ECT2: variants seen among roughly 807,000 people sequenced by gnomAD.
ECT2 encodes epithelial cell transforming 2, also known as protein ECT2.
ECT2 carries 61 observed loss-of-function variants against 116.9 expected under a neutral mutation model. The ratio of observed to expected loss-of-function variants is 0.52; its 90% CI spans 0.42 to 0.65. The LOEUF (loss-of-function observed/expected upper bound fraction) is 0.65, where lower values mean the gene tolerates loss of function less well. Ranked by LOEUF, ECT2 falls within the 30% of genes least tolerant of loss-of-function variation. ECT2 has a pLI of 0.00. For missense variants in ECT2, 937 were observed against 1,078.7 expected (o/e 0.87, Z 1.84); for synonymous variants, 358 against 346.4 (o/e 1.03, Z -0.37).
chr3:172,770,171 A>G (rs765110715), intron 13 of ECT2, among the ~76,000 whole-genome samples: 2 of 152,170 alleles, frequency 1.3e-5, no homozygotes, highest in Non-Finnish European at 2.9e-5. Flanking sequence ...CTTCCTTCTC[A>G]AGGGAAATCA....
At position 172,815,598 on chromosome 3, in the gene ECT2, C is replaced by T; in HGVS notation, c.2401-6C>T. 1 of 1,515,292 alleles carries T rather than the reference C, an allele frequency of 6.6e-7. No individual in the cohort carries two copies. Among genetic ancestry groups the T allele is most frequent in the African/African-American group, 1.4e-5 (1 of 71,368 alleles). 93.9% of individuals were successfully genotyped at this position (1,515,292 alleles called of 1,614,324 possible). On this transcript the variant is annotated splice_region_variant and splice_polypyrimidine_tract_variant and intron_variant, in intron 22 of 24. Coordinates refer to ENST00000392692, the MANE Select transcript of ECT2 (RefSeq NM_001258315.2). ...TAAGATAACAAAAAGTATTATTTTT[C>T]AATAGGAGAATCTTATTTATACTGC...
chr3:172,826,706 C>T, the ECT2 span, among the ~76,000 whole-genome samples: 1 of 152,138 alleles, frequency 6.6e-6, no homozygotes, highest in African/African-American at 2.4e-5. Flanking sequence ...TAAGAAATTG[C>T]CACTGCCTCC....
chr3:172,783,956 G>A (rs773919890), intron 16 of ECT2, 47 bp downstream of exon 16: 200 of 1,253,644 alleles, frequency 1.6e-4, no homozygotes, highest in Admixed American at 4.6e-4. Flanking sequence ...TATTTCTGAA[G>A]TAATTCACCA....
Position 172,813,527 on chromosome 3 carries a change from T to A in ECT2, c.2401-2077T>A, listed in dbSNP as rs553007912. Among the ~76,000 whole-genome samples, 3 of 152,218 alleles carry A rather than the reference T, an allele frequency of 2.0e-5. No homozygotes were observed. In the South Asian group the frequency reaches 6.2e-4, roughly 32 times the overall value. On this transcript the variant is annotated intron_variant, in intron 22 of 24. Coordinates refer to ENST00000392692, the MANE Select transcript of ECT2 (RefSeq NM_001258315.2). ...AAATTACCAACATGTGGTTTAATATTTTCGTATACAAAGACATATACTTTC... is the reference window on the plus strand; with the variant it reads ...AAATTACCAACATGTGGTTTAATATATTCGTATACAAAGACATATACTTTC...
chr3:172,773,809 C>G, intron 13 of ECT2, 94 bp from the exon 14 acceptor site: 1 of 1,251,426 alleles, frequency 8.0e-7, no homozygotes, highest in Non-Finnish European at 1.1e-6. Context: ...ACTTCCTTCT[C>G]TATTAATATC....
chr3:172,784,253 C>T (rs1456409618), intron 16 of ECT2, among the ~76,000 whole-genome samples: 1 of 151,928 alleles, frequency 6.6e-6, no homozygotes, highest in African/African-American at 2.4e-5. Context: ...TGAGATCATC[C>T]TGAGCCACAT....
intron 1 of ECT2, 135 bp from the exon 2 acceptor site, chr3:172,754,374 T>G: frequency 1.7e-6 from 1 of 580,454 alleles, no homozygotes; most frequent in Non-Finnish European, 2.9e-6. Context: ...TCAGAGAAGG[T>G]CAGTGACTTT....
At chr3:172,762,179 T>G (rs892208849) in intron 8 of ECT2, among the ~76,000 whole-genome samples, 1 of 152,166 alleles carries the variant, frequency 6.6e-6, no homozygotes, top group Non-Finnish European at 1.5e-5. Context: ...AGAAAAAATT[T>G]GAATCTCTTG....
chr3:172,758,510 G>A (rs1053149255), intron 5 of ECT2, among the ~76,000 whole-genome samples: 6 of 140,354 alleles, frequency 4.3e-5, no homozygotes, highest in Non-Finnish European at 9.2e-5. Context: ...CAACCGTTGG[G>A]TAAATTATTT....
the ECT2 span, among the ~76,000 whole-genome samples, chr3:172,827,861 G>A: frequency 2.4e-4 from 37 of 152,198 alleles, no homozygotes; most frequent in African/African-American, 8.7e-4. Flanking sequence ...ATCAATCAAA[G>A]CTGACCATTG....
chr3:172,778,663 T>G (rs1722178989), intron 14 of ECT2, among the ~76,000 whole-genome samples: 2 of 133,566 alleles, frequency 1.5e-5, no homozygotes, highest in Admixed American at 1.8e-4. Context: ...TTGCACAATC[T>G]CAGCTCACTG....
chr3:172,816,913 G>A, intron 24 of ECT2, 76 bp downstream of exon 24: 4 of 1,220,210 alleles, frequency 3.3e-6, no homozygotes, highest in Admixed American at 2.6e-5. Flanking sequence ...TCTAAAAATT[G>A]GAAATATTTC....
intron 5 of ECT2, 50 bp downstream of exon 5, chr3:172,757,215 GA>G (rs746965299): frequency 2.9e-5 from 38 of 1,319,756 alleles, no homozygotes; most frequent in Non-Finnish European, 3.8e-5. Context: ...TTTTATTAAT[GA>G]ATTTTAATTA....
chr3:172,788,477 C>T (rs1382096113), intron 18 of ECT2, among the ~76,000 whole-genome samples: 1 of 152,112 alleles, frequency 6.6e-6, no homozygotes, highest in Non-Finnish European at 1.5e-5. Context: ...ATTTCTGTCA[C>T]CCCCAAAATT....
At chr3:172,793,817 G>A (rs1388025759) in intron 18 of ECT2, among the ~76,000 whole-genome samples, 1 of 151,996 alleles carries the variant, frequency 6.6e-6, no homozygotes, top group East Asian at 1.9e-4. Flanking sequence ...TGTCTTTCCT[G>A]GTGGTTTTGA....
chr3:172,823,452 A>C (rs531970957), downstream of ECT2, among the ~76,000 whole-genome samples: 3 of 152,172 alleles, frequency 2.0e-5, no homozygotes, highest in Non-Finnish European at 4.4e-5. Context: ...TAAATATTTG[A>C]CAGTGTTTCT....
At chr3:172,801,791 AC>A (rs1300589735) in intron 18 of ECT2, among the ~76,000 whole-genome samples, 1 of 152,094 alleles carries the variant, frequency 6.6e-6, no homozygotes, top group African/African-American at 2.4e-5. Flanking sequence ...TGTCTTGAGA[AC>A]CCTTGTTTCT....
rs1356651839 is a variant in ECT2, at chr3:172,764,439, C to G, written c.1230C>G (p.Ser410=). The G allele has an allele frequency of 1.2e-6, 2 of 1,614,010 alleles. No individual in the cohort carries two copies. Among genetic ancestry groups the G allele is most frequent in the African/African-American group, 2.7e-5 (2 of 74,920 alleles). The change falls in exon 12 of 25, where the codon TCC becomes TCG. Residue 410 remains serine (S), a synonymous_variant. Coordinates refer to ENST00000392692, the MANE Select transcript of ECT2 (RefSeq NM_001258315.2). ...PPRKRPSAEH[S]LSIGSLLDIS... ...GTAAGCGCCCATCAGCTGAGCATTC[C>G]CTTTCCATAGGGTCACTCCTAGATA...
In ECT2 at chr3:172,782,150, C is replaced by A; in HGVS notation, c.1549-13C>A. ...AGGTTTAATTTTAAATATTTCAATTCGTGCTATTTCAGGATGATCTTGAAG... is the reference window on the plus strand; with the variant it reads ...AGGTTTAATTTTAAATATTTCAATTAGTGCTATTTCAGGATGATCTTGAAG... On this transcript the variant is annotated splice_polypyrimidine_tract_variant and intron_variant, in intron 14 of 24. Coordinates refer to ENST00000392692, the MANE Select transcript of ECT2 (RefSeq NM_001258315.2). 2 of 1,502,472 alleles carry A rather than the reference C, an allele frequency of 1.3e-6. No homozygotes were observed. Among genetic ancestry groups the A allele is most frequent in the Non-Finnish European group, 1.8e-6 (2 of 1,109,022 alleles). The allele number at this position is 1,502,472 out of a possible 1,614,324, so 93.1% of individuals were successfully genotyped here. A position where few individuals can be genotyped will look rare whatever the true frequency, so the allele number is the denominator to read the frequency against.
Sources: gnomAD v4.1 joint callset for allele counts (sites outside exome capture counted in the v4.1 genomes callset) on GRCh38, gnomAD v4.1.1 for gene constraint, MANE v1.5 for transcripts, NCBI Gene and HGNC (gene_info 2026-07-23, HGNC 2026-07-21) for gene names.